Variants in ZNF549 observed in about 807,000 individuals in gnomAD.
ZNF549 encodes the protein zinc finger protein 549.
A neutral mutation model predicts 11.1 loss-of-function variants in ZNF549; 11 were observed. That is an observed-to-expected ratio of 0.99 (90% CI 0.62 to 1.64). The LOEUF (loss-of-function observed/expected upper bound fraction) is 1.64. ZNF549 is among the 40% of genes most tolerant of loss of function. ZNF549 has a pLI of 0.00. For missense variants in ZNF549, 748 were observed against 765.1 expected (o/e 0.98, Z 0.26); for synonymous variants, 266 against 269.1 (o/e 0.99, Z 0.11).
chr19:57,529,790 G>A (rs966384412), intron 1 of ZNF549, among the ~76,000 whole-genome samples: 2 of 152,134 alleles, frequency 1.3e-5, no homozygotes, highest in Non-Finnish European at 2.9e-5. Flanking sequence ...GGAGGCTGAG[G>A]CAGGAGAATG....
At chr19:57,533,651 C>T (rs1348744802) in intron 2 of ZNF549, among the ~76,000 whole-genome samples, 1 of 152,196 alleles carries the variant, frequency 6.6e-6, no homozygotes, top group Non-Finnish European at 1.5e-5. Flanking sequence ...TCCACACAGA[C>T]CTTCCAGCAA....
chr19:57,538,513 C>T lies in ZNF549; in HGVS notation c.1509C>T (p.Cys503=). ...ACACTAGAGAAAGGCCTTATGAATG[C>T]AGTGAATGTGGAAAAGGCTTCTACC... The part of the protein sequence containing the change: ...KIHTRERPYE[C]SECGKGFYLE... The change falls in exon 4 of 4, where the codon TGC becomes TGT. Residue 503 remains cysteine, a synonymous_variant. Coordinates refer to ENST00000376233, the MANE Select transcript of ZNF549 (RefSeq NM_001199295.2). 1.2e-6 allele frequency: 2 copies of T among 1,614,170 alleles called. No homozygotes were observed. Among genetic ancestry groups the T allele is most frequent in the Non-Finnish European group, 1.7e-6 (2 of 1,180,030 alleles).
chr19:57,534,305 A>T (rs936985600), intron 2 of ZNF549, among the ~76,000 whole-genome samples: 4 of 152,222 alleles, frequency 2.6e-5, no homozygotes. Flanking sequence ...TAAGAGATTC[A>T]TTCAGAGGCA....
chr19:57,537,388 G>C lies in ZNF549; in HGVS notation c.384G>C (p.Trp128Cys), dbSNP rs1480475130. 1 of 1,614,150 alleles carries C rather than the reference G, an allele frequency of 6.2e-7. No homozygotes were observed. Among genetic ancestry groups the C allele is most frequent in the African/African-American group, 1.3e-5 (1 of 75,020 alleles). ...GTGAGCATCAGGGGACACTTCCCTG[G>C]CAGAAACCTTATACGTCTGTGGCCA... ...YLSEHQGTLPWQKPYTSVASG... is the reference protein window; with the variant it reads ...YLSEHQGTLPCQKPYTSVASG... Residue 128 changes from tryptophan to cysteine, a missense_variant, in exon 4 of 4, where the codon TGG becomes TGC. Physicochemically the swap from Trp to Cys is radical, Grantham distance 215 (BLOSUM62 -2). Transcript: ENST00000376233.
At chr19:57,533,565 T>G (rs2052740306) in intron 2 of ZNF549, among the ~76,000 whole-genome samples, 1 of 152,166 alleles carries the variant, frequency 6.6e-6, no homozygotes, top group African/African-American at 2.4e-5. Context: ...CTTGGTTAAG[T>G]TTCTGGAGGT....
In ZNF549 at chr19:57,538,076, G is replaced by A. The variant is rs560561792; in HGVS notation, c.1072G>A (p.Glu358Lys). 6.8e-6 allele frequency: 11 copies of A among 1,614,016 alleles called. 1 individual carries two copies. The highest frequency in any genetic ancestry group is 6.7e-5 in the African/African-American group (5 of 74,894). The change falls in exon 4 of 4, where the codon GAG becomes AAG. Residue 358 changes from glutamate (E) to lysine (K), a missense_variant. Coordinates refer to ENST00000376233, the MANE Select transcript of ZNF549 (RefSeq NM_001199295.2). ...VGHQQRIHTG[E>K]RPYVCMECGK... Reference sequence around the variant, plus strand: ...CCATCAGCAGAGAATCCACACTGGAGAGAGGCCTTATGTGTGTATGGAATG... The same window carrying A: ...CCATCAGCAGAGAATCCACACTGGAAAGAGGCCTTATGTGTGTATGGAATG...
chr19:57,538,389 G>A lies in ZNF549; in HGVS notation c.1385G>A (p.Arg462Gln), dbSNP rs769336021. 5.0e-6 allele frequency: 8 copies of A among 1,613,824 alleles called. No individual in the cohort carries two copies. The highest frequency in any genetic ancestry group is 4.0e-5 in the African/African-American group (3 of 74,832). The change falls in exon 4 of 4, where the codon CGA becomes CAA. Residue 462 changes from arginine (R) to glutamine (Q), a missense_variant. By Grantham distance (43) the Arg-to-Gln change is conservative. Transcript: ENST00000376233. The part of the protein sequence containing the change: ...KSFIRSSDYM[R>Q]HQRIHTGERA... ...TTTATCCGCTCGTCTGACTACATGC[G>A]ACACCAGAGAATTCACACTGGAGAA...
At position 57,535,148 on chromosome 19, in the gene ZNF549, A is replaced by C. The variant is rs753427383; in HGVS notation, c.77A>C (p.His26Pro). Residue 26 changes from histidine (H) to proline (P), a missense_variant, in exon 3 of 4, where the codon CAT becomes CCT. By Grantham distance (77) the His-to-Pro change is moderately conservative (BLOSUM62 -2). Transcript: ENST00000376233. ...TEEFVKPSQG[H>P]VTFEDIAVYF... ...TCATCTGCCCCCATCATGCAGGGCC[A>C]TGTGACCTTTGAGGATATTGCTGTG... The C allele has an allele frequency of 2.5e-6, 4 of 1,613,966 alleles. No individual in the cohort carries two copies. Among genetic ancestry groups the C allele is most frequent in the African/African-American group, 1.3e-5 (1 of 75,036 alleles).
rs2089950863 is a variant in ZNF549 at position 57,540,484 on chromosome 19, G to C, written c.*1557G>C. The C allele has an allele frequency of 6.6e-6, 1 of 152,290 alleles. No homozygotes were observed. The highest frequency in any genetic ancestry group is 2.1e-4 in the South Asian group (1 of 4,832). The allele number at this position is 152,290 out of a possible 1,614,324, so 9.4% of individuals were successfully genotyped here. On this transcript the variant is annotated 3_prime_UTR_variant, in exon 4 of 4. Coordinates refer to ENST00000376233, the MANE Select transcript of ZNF549 (RefSeq NM_001199295.2). The stretch of plus-strand genomic sequence containing the variant: ...TTAGAAATATGTGTGTATAGGCTGG[G>C]TGCGGTGGCTCATGCCTGTAATCCC...
Position 57,535,388 on chromosome 19 carries a change from T to C in ZNF549, c.199+118T>C, listed in dbSNP as rs753802539. ...GGGCCCTTCTTCTTTCCTTGGTTCT[T>C]GACCTGTGGAAGACATAGGCGTTGT... On this transcript the variant is annotated intron_variant, in intron 3 of 3. Transcript: ENST00000376233. 2.8e-4 allele frequency: 406 copies of C among 1,426,866 alleles called. 2 individuals are homozygous for C. The highest frequency in any genetic ancestry group is 3.7e-4 in the Non-Finnish European group (397 of 1,064,554). 88.4% of individuals were successfully genotyped at this position (1,426,866 alleles called of 1,614,324 possible). A position where few individuals can be genotyped will look rare whatever the true frequency, so the allele number is the denominator to read the frequency against.
Position 57,537,102 on chromosome 19 carries a change from A to T in ZNF549, c.200-102A>T. 12 of 1,380,596 alleles carry T rather than the reference A, an allele frequency of 8.7e-6. No individual in the cohort carries two copies. In the South Asian group the frequency reaches 1.4e-4, roughly 16 times the overall value. The allele number at this position is 1,380,596 out of a possible 1,614,324, so 85.5% of individuals were successfully genotyped here. A position where few individuals can be genotyped will look rare whatever the true frequency, so the allele number is the denominator to read the frequency against. ...GAGCAAGACCCTATCTCAAAGAAAA[A>T]CCATGGACTCGTCCCTCCCTGTGTT... On this transcript the variant is annotated intron_variant, in intron 3 of 3. Coordinates refer to ENST00000376233, the MANE Select transcript of ZNF549 (RefSeq NM_001199295.2).
intron 3 of ZNF549, among the ~76,000 whole-genome samples, chr19:57,535,601 G>A (rs966895110): frequency 3.3e-5 from 5 of 152,110 alleles, no homozygotes; most frequent in Non-Finnish European, 5.9e-5. Context: ...TTTAGTAGAC[G>A]TGTCTTTGGA....
rs776531340 is a variant in ZNF549 at position 57,538,908 on chromosome 19, A to T, written c.1904A>T (p.His635Leu). The T allele has an allele frequency of 6.2e-7, 1 of 1,603,144 alleles. No homozygotes were observed. Among genetic ancestry groups the T allele is most frequent in the East Asian group, 2.2e-5 (1 of 44,876 alleles). ...RYSLVRHQKV[H>L]ITEEP ...TCCCTTGTCAGGCACCAGAAGGTAC[A>T]TATAACAGAAGAGCCCTAGCAATTG... Residue 635 changes from histidine to leucine, a missense_variant, in exon 4 of 4, where the codon CAT becomes CTT. His to Leu is a moderately conservative substitution (Grantham distance 99). Coordinates refer to ENST00000376233, the MANE Select transcript of ZNF549 (RefSeq NM_001199295.2).
chr19:57,528,461 G>A (rs986620602), intron 1 of ZNF549, among the ~76,000 whole-genome samples: 1 of 152,192 alleles, frequency 6.6e-6, no homozygotes, highest in African/African-American at 2.4e-5. Flanking sequence ...CTCAAGCCAA[G>A]CCTTAAATTT....
At chr19:57,535,869 C>G (rs550661026) in intron 3 of ZNF549, among the ~76,000 whole-genome samples, 1 of 152,046 alleles carries the variant, frequency 6.6e-6, no homozygotes, top group African/African-American at 2.4e-5. Context: ...TTCCTGAAAG[C>G]GTAGTGAAGT....
Position 57,535,278 on chromosome 19 carries a change from C to G in ZNF549, c.199+8C>G, listed in dbSNP as rs113455186. ...CGCTTATGGCCTCAGTAGGTAAGAT[C>G]TCTTAAAACCACACCATCAACCTCT... On this transcript the variant is annotated splice_region_variant and intron_variant, in intron 3 of 3. Coordinates refer to ENST00000376233, the MANE Select transcript of ZNF549 (RefSeq NM_001199295.2). 1.4e-3 allele frequency: 2,230 copies of G among 1,612,458 alleles called. 28 individuals carry two copies. In the African/African-American group the frequency reaches 0.024, roughly 18 times the overall value.
intron 1 of ZNF549, among the ~76,000 whole-genome samples, chr19:57,529,524 G>A (rs560840493): frequency 1.3e-5 from 2 of 152,288 alleles, no homozygotes; most frequent in South Asian, 2.1e-4. Context: ...ATATCTTACT[G>A]TACTATTCAC....
Position 57,538,738 on chromosome 19 carries a change from T to C in ZNF549, c.1734T>C (p.Val578=). 2.5e-6 allele frequency: 4 copies of C among 1,613,976 alleles called. No individual in the cohort carries two copies. Among genetic ancestry groups the C allele is most frequent in the East Asian group, 4.5e-5 (2 of 44,866 alleles). ...HRTSLIQHQK[V]HSGERPYNCT... is the part of the protein sequence containing the mutation. The stretch of plus-strand genomic sequence containing the variant: ...CCAGCCTCATTCAACACCAGAAAGT[T>C]CACAGTGGAGAGAGGCCTTATAACT... The change falls in exon 4 of 4, where the codon GTT becomes GTC. Residue 578 remains valine, a synonymous_variant. Coordinates refer to ENST00000376233, the MANE Select transcript of ZNF549 (RefSeq NM_001199295.2).
chr19:57,535,391 C>T (rs1440488807), intron 3 of ZNF549, 121 bp downstream of exon 3: 1 of 1,410,292 alleles, frequency 7.1e-7, no homozygotes, highest in East Asian at 2.3e-5. Flanking sequence ...TGGTTCTTGA[C>T]CTGTGGAAGA....
Sources: allele counts gnomAD v4.1 joint callset (sites outside exome capture counted in the v4.1 genomes callset), GRCh38; gene constraint gnomAD v4.1.1; transcripts MANE v1.5; gene names NCBI Gene and HGNC (gene_info 2026-07-23, HGNC 2026-07-21).